XPR1: variants seen among roughly 807,000 people sequenced by gnomAD.
XPR1 encodes solute carrier family 53 member 1.
In XPR1, 28 loss-of-function variants were observed where a neutral mutation model predicts 87.5. The observed-to-expected ratio is 0.32, with a 90% CI of 0.24 to 0.44. XPR1 has a LOEUF of 0.44. XPR1 is among the 20% of genes least tolerant of loss of function. The pLI, the probability that XPR1 is intolerant of heterozygous loss-of-function variation, is 1.00. For missense variants in XPR1, 559 were observed against 862.3 expected (o/e 0.65, Z 4.41); for synonymous variants, 300 against 306.1 (o/e 0.98, Z 0.21).
At position 180,874,359 on chromosome 1, in the gene XPR1, C is replaced by A. The variant is rs141564024; in HGVS notation, c.1808+417C>A. On this transcript the variant is annotated intron_variant, in intron 13 of 14. Coordinates refer to ENST00000367590, the MANE Select transcript of XPR1 (RefSeq NM_004736.4). ...TGGCAGTCTGAGTTATTCAGCCCAG[C>A]CTTCTCACTGAAAACAATAAAAATG... is the stretch of plus-strand genomic sequence containing the variant. 4.2e-4 allele frequency among the ~76,000 whole-genome samples: 64 copies of A among 151,920 alleles called. 1 individual carries two copies. The East Asian group carries it at 0.011, about 27-fold the overall frequency.
At chr1:180,853,508 A>C (rs1339713181) in intron 11 of XPR1, among the ~76,000 whole-genome samples, 2 of 151,838 alleles carry the variant, frequency 1.3e-5, no homozygotes, top group Non-Finnish European at 2.9e-5. Flanking sequence ...CTATCATCTC[A>C]GTTTTGACAT....
chr1:180,644,455 CTTTT>C (rs1159113794), intron 1 of XPR1, among the ~76,000 whole-genome samples: 1 of 138,738 alleles, frequency 7.2e-6, no homozygotes, highest in Non-Finnish European at 1.6e-5. Context: ...TGGTCTGTGA[CTTTT>C]TTTTTTAACT....
At chr1:180,818,863 G>A (rs1283748199) in intron 7 of XPR1, among the ~76,000 whole-genome samples, 1 of 152,092 alleles carries the variant, frequency 6.6e-6, no homozygotes, top group Non-Finnish European at 1.5e-5. Flanking sequence ...TATGCCCTTA[G>A]GTTTTAGATT....
At chr1:180,848,013 G>T (rs1651742188) in intron 11 of XPR1, among the ~76,000 whole-genome samples, 1 of 152,038 alleles carries the variant, frequency 6.6e-6, no homozygotes, top group South Asian at 2.1e-4. Context: ...CAATAAAGCT[G>T]TAGTCTAATG....
chr1:180,639,336 G>C (rs1654892045), intron 1 of XPR1, among the ~76,000 whole-genome samples: 1 of 151,204 alleles, frequency 6.6e-6, no homozygotes, highest in East Asian at 1.9e-4. Flanking sequence ...GGGAGTCAAA[G>C]GAAAATATAA....
intron 6 of XPR1, among the ~76,000 whole-genome samples, chr1:180,811,162 A>G (rs1571860198): frequency 6.6e-6 from 1 of 152,106 alleles, no homozygotes; most frequent in Non-Finnish European, 1.5e-5. Flanking sequence ...TTTAATGCCT[A>G]AGATTATAAT....
At chr1:180,633,087 C>T (rs1473439052) in intron 1 of XPR1, among the ~76,000 whole-genome samples, 1 of 152,154 alleles carries the variant, frequency 6.6e-6, no homozygotes, top group Non-Finnish European at 1.5e-5. Flanking sequence ...AAACAATATA[C>T]CTTACCTGTG....
chr1:180,683,011 G>A (rs988082145), intron 2 of XPR1, among the ~76,000 whole-genome samples: 1 of 151,924 alleles, frequency 6.6e-6, no homozygotes, highest in Non-Finnish European at 1.5e-5. Flanking sequence ...TAGGGTACAT[G>A]TGCACAATGT....
chr1:180,738,075 G>T (rs1385518371), intron 2 of XPR1, among the ~76,000 whole-genome samples: 1 of 152,046 alleles, frequency 6.6e-6, no homozygotes, highest in South Asian at 2.1e-4. Flanking sequence ...GCAGTGGCAC[G>T]ATCTTGGCTC....
chr1:180,726,197 A>C (rs1658333062), intron 2 of XPR1, among the ~76,000 whole-genome samples: 1 of 152,216 alleles, frequency 6.6e-6, no homozygotes, highest in Admixed American at 6.5e-5. Flanking sequence ...TTGTAAATGC[A>C]CCAATCAGCA....
At chr1:180,838,145 T>C (rs1448284780) in intron 11 of XPR1, among the ~76,000 whole-genome samples, 1 of 152,208 alleles carries the variant, frequency 6.6e-6, no homozygotes, top group Admixed American at 6.5e-5. Flanking sequence ...ATATTTGGTA[T>C]GTCATGTGTA....
At chr1:180,651,196 A>G (rs952685100) in intron 1 of XPR1, among the ~76,000 whole-genome samples, 1 of 151,844 alleles carries the variant, frequency 6.6e-6, no homozygotes, top group East Asian at 1.9e-4. Flanking sequence ...GGTTCAAGCA[A>G]TTCTCCTGCC....
chr1:180,879,037 T>G (rs1468783425), intron 13 of XPR1, among the ~76,000 whole-genome samples: 1 of 152,232 alleles, frequency 6.6e-6, no homozygotes, highest in Non-Finnish European at 1.5e-5. Flanking sequence ...ATCTAATGAT[T>G]AGCTCTAACC....
intron 1 of XPR1, among the ~76,000 whole-genome samples, chr1:180,680,428 C>G (rs559640513): frequency 1.2e-4 from 15 of 123,228 alleles, no homozygotes; most frequent in African/African-American, 4.7e-4. Context: ...TGCAGTGGTG[C>G]GATCTTGGGT....
chr1:180,671,656 A>G (rs1180497320), intron 1 of XPR1, among the ~76,000 whole-genome samples: 1 of 152,078 alleles, frequency 6.6e-6, no homozygotes, highest in African/African-American at 2.4e-5. Flanking sequence ...TTGGGATTAC[A>G]TGTGTCAACT....
chr1:180,804,291 A>G (rs921965062), intron 4 of XPR1, among the ~76,000 whole-genome samples: 3 of 152,190 alleles, frequency 2.0e-5, no homozygotes, highest in Non-Finnish European at 2.9e-5. Context: ...GGGCTTTTAT[A>G]GTCCTCCTAA....
chr1:180,721,675 C>T (rs146300978), intron 2 of XPR1, among the ~76,000 whole-genome samples: 7 of 152,170 alleles, frequency 4.6e-5, no homozygotes, highest in African/African-American at 1.2e-4. Context: ...TTTCCTTTCA[C>T]CTCTGCCACC....
At chr1:180,872,906 A>C (rs951597608) in intron 12 of XPR1, among the ~76,000 whole-genome samples, 4 of 152,098 alleles carry the variant, frequency 2.6e-5, no homozygotes, top group Middle Eastern at 3.5e-3. Context: ...AGTAGCTACA[A>C]ATTTTGAAAA....
chr1:180,709,585 C>A (rs181034907), intron 2 of XPR1, among the ~76,000 whole-genome samples: 28 of 152,290 alleles, frequency 1.8e-4, no homozygotes, highest in Non-Finnish European at 1.0e-4. Context: ...TTTCAGTCAA[C>A]CTAATTATTT....
Sources: gnomAD v4.1 joint callset for allele counts (sites outside exome capture counted in the v4.1 genomes callset) on GRCh38, gnomAD v4.1.1 for gene constraint, MANE v1.5 for transcripts, NCBI Gene and HGNC (gene_info 2026-07-23, HGNC 2026-07-21) for gene names.